DNAJC3: variants seen among roughly 807,000 people sequenced by gnomAD.
DNAJC3 encodes dnaJ homolog subfamily C member 3.
A neutral mutation model predicts 68.6 loss-of-function variants in DNAJC3; 38 were observed. That is an observed-to-expected ratio of 0.55 (90% confidence interval 0.43 to 0.73). The LOEUF is 0.73. Among genes scored for constraint, DNAJC3 ranks in the 30% least tolerant of loss-of-function variants. DNAJC3 has a pLI of 0.00. For synonymous variants in DNAJC3, 203 were observed against 204.0 expected, an observed-to-expected ratio of 1.00 and a Z score of 0.04; for missense variants, 526 against 591.9, an observed-to-expected ratio of 0.89 and a Z score of 1.16.
chr13:95,717,402 T>C (rs1482554397), intron 2 of DNAJC3, among the ~76,000 whole-genome samples: 3 of 152,198 alleles, frequency 2.0e-5, no homozygotes, highest in African/African-American at 4.8e-5. Flanking sequence ...CAAAAAGTGC[T>C]CTAGCAACTT....
intron 9 of DNAJC3, among the ~76,000 whole-genome samples, chr13:95,772,037 C>T (rs993202318): frequency 1.3e-5 from 2 of 152,178 alleles, no homozygotes; most frequent in Admixed American, 6.5e-5. Context: ...AGAGACCCTG[C>T]GCACCATGTG....
At chr13:95,757,024 A>G (rs1882683040) in intron 4 of DNAJC3, among the ~76,000 whole-genome samples, 1 of 152,144 alleles carries the variant, frequency 6.6e-6, no homozygotes, top group Non-Finnish European at 1.5e-5. Flanking sequence ...ATGCTATATA[A>G]ATTATGTCTT....
At chr13:95,762,887 C>T (rs977356708) in intron 7 of DNAJC3, among the ~76,000 whole-genome samples, 4 of 151,926 alleles carry the variant, frequency 2.6e-5, no homozygotes, top group African/African-American at 7.3e-5. Context: ...TCTGTTCCTG[C>T]GTTAGTTTGC....
At chr13:95,697,589 A>G (rs753374332) in intron 1 of DNAJC3, among the ~76,000 whole-genome samples, 3 of 151,770 alleles carry the variant, frequency 2.0e-5, no homozygotes, top group Non-Finnish European at 4.4e-5. Context: ...TTCCTGTTTT[A>G]TTTCCTCAAA....
At chr13:95,735,731 A>C (rs1379790982) in intron 4 of DNAJC3, among the ~76,000 whole-genome samples, 1 of 151,694 alleles carries the variant, frequency 6.6e-6, no homozygotes, top group African/African-American at 2.4e-5. Context: ...GCCCTTTGTC[A>C]GATGAGTAGG....
chr13:95,763,710 G>A lies in DNAJC3; in HGVS notation c.916G>A (p.Val306Ile), dbSNP rs768801358. The change falls in exon 8 of 12, where the codon GTT becomes ATT. Residue 306 changes from valine to isoleucine, a missense_variant. Physicochemically the swap from Val to Ile is conservative, Grantham distance 29. Coordinates refer to ENST00000602402, the MANE Select transcript of DNAJC3 (RefSeq NM_006260.5). Reference protein sequence around the residue: ...KTEPSIAEYTVRSKERICHCF... With the variant: ...KTEPSIAEYTIRSKERICHCF... ...AGAGCCAAGCATTGCTGAATATACAGTTCGTTCAAAGGAGAGGATTTGCCA... is the reference window on the plus strand; with the variant it reads ...AGAGCCAAGCATTGCTGAATATACAATTCGTTCAAAGGAGAGGATTTGCCA... The A allele has an allele frequency of 2.5e-6, 4 of 1,614,016 alleles. No homozygotes were observed. Among genetic ancestry groups the A allele is most frequent in the South Asian group, 1.1e-5 (1 of 91,064 alleles).
At chr13:95,772,104 T>C (rs1369137147) in intron 9 of DNAJC3, among the ~76,000 whole-genome samples, 2 of 152,168 alleles carry the variant, frequency 1.3e-5, no homozygotes, top group African/African-American at 4.8e-5. Flanking sequence ...CCATAGATAA[T>C]ACGCAAATGA....
rs554408195 is a variant in DNAJC3 at position 95,739,661 on chromosome 13, A to G, written c.393+14409A>G. On this transcript the variant is annotated intron_variant, in intron 4 of 11. Coordinates refer to ENST00000602402, the MANE Select transcript of DNAJC3 (RefSeq NM_006260.5). ...TTCTTGAGCCTTGGTTTTCAGCTCC[A>G]TCAGCTCCTTTAAGCACTTCTCTGT... is the stretch of plus-strand genomic sequence containing the variant. Among the ~76,000 whole-genome samples the G allele has an allele frequency of 3.6e-3, 542 of 152,270 alleles. 3 individuals are homozygous for G. The highest frequency in any genetic ancestry group is 0.012 in the African/African-American group (516 of 41,558).
rs61150940 is a variant in DNAJC3, at chr13:95,764,375, C to CTA, written c.1075+441_1075+442dup. On this transcript the variant is annotated intron_variant, in intron 9 of 11. Transcript: ENST00000602402. The stretch of plus-strand genomic sequence containing the variant: ...TCTCTCTCTCTCTCTCTCTCTCTCT[C>CTA]TATATATATATATATATATACTCGG... 2.1e-3 allele frequency among the ~76,000 whole-genome samples: 262 copies of CTA among 123,998 alleles called. 1 individual carries two copies. Among genetic ancestry groups the CTA allele is most frequent in the African/African-American group, 5.0e-3 (155 of 30,862 alleles). The allele number at this position is 123,998 out of a possible 152,430, so 81.3% of individuals were successfully genotyped here.
chr13:95,746,531 T>C (rs1467882441), intron 4 of DNAJC3, among the ~76,000 whole-genome samples: 1 of 152,234 alleles, frequency 6.6e-6, no homozygotes, highest in Non-Finnish European at 1.5e-5. Context: ...GGATGATTTC[T>C]GAGTCTAGTT....
chr13:95,701,254 T>C (rs1880580078), intron 1 of DNAJC3, among the ~76,000 whole-genome samples: 1 of 152,204 alleles, frequency 6.6e-6, no homozygotes, highest in South Asian at 2.1e-4. Context: ...GAGCCCACAA[T>C]ATGCTACTGC....
intron 1 of DNAJC3, among the ~76,000 whole-genome samples, chr13:95,683,342 A>G (rs902130648): frequency 6.6e-6 from 1 of 152,106 alleles, no homozygotes; most frequent in African/African-American, 2.4e-5. Context: ...TGTAATCCCC[A>G]GTGTTGGATC....
Position 95,733,589 on chromosome 13 carries a change from G to A in DNAJC3, c.393+8337G>A, listed in dbSNP as rs571597271. On this transcript the variant is annotated intron_variant, in intron 4 of 11. Transcript: ENST00000602402. ...TAATTTTTATGTTTTTAGTAGAAAC[G>A]GGGTTTTGCCATTTTGGCCAGGCTG... is the stretch of plus-strand genomic sequence containing the variant. 1.2e-4 allele frequency among the ~76,000 whole-genome samples: 19 copies of A among 152,040 alleles called. No homozygotes were observed. The East Asian group carries it at 3.3e-3, about 26-fold the overall frequency.
chr13:95,677,205 G>A lies in DNAJC3; in HGVS notation c.-51G>A. On this transcript the variant is annotated 5_prime_UTR_variant, in exon 1 of 12. The change creates a new upstream start codon in the 5' untranslated region. Coordinates refer to ENST00000602402, the MANE Select transcript of DNAJC3 (RefSeq NM_006260.5). Reference sequence around the variant, plus strand: ...GCAGCTGCTGCCGGAGCGCCGGCGCGTGCTGGTGGGCCACACACCTTTCCT... The same window carrying A: ...GCAGCTGCTGCCGGAGCGCCGGCGCATGCTGGTGGGCCACACACCTTTCCT... 1 of 1,551,916 alleles carries A rather than the reference G, an allele frequency of 6.4e-7. No homozygotes were observed. Among genetic ancestry groups the A allele is most frequent in the Non-Finnish European group, 8.7e-7 (1 of 1,145,276 alleles).
intron 2 of DNAJC3, among the ~76,000 whole-genome samples, chr13:95,714,412 TAAAA>T (rs58381820): frequency 2.2e-5 from 3 of 135,302 alleles, no homozygotes; most frequent in Admixed American, 7.4e-5. Context: ...CTTTTTTTCT[TAAAA>T]AAAAAAAAAA....
At chr13:95,787,184 A>T (rs1883626483) in intron 11 of DNAJC3, 29 bp downstream of exon 11, 1 of 1,597,232 alleles carries the variant, frequency 6.3e-7, no homozygotes, top group Middle Eastern at 1.7e-4. Flanking sequence ...CCTTTGACTC[A>T]TCCTAGAGGT....
In DNAJC3 at chr13:95,790,881, AAG is replaced by A. The variant is rs1272073730; in HGVS notation, c.1368_1369del (p.Lys457ValfsTer2). Reference sequence around the variant, plus strand: ...TTCTGATTTCTTTCTAGAAATGAGAAAGAAGTTTGACGACGGAGAAGATCCTT... The same window carrying A: ...TTCTGATTTCTTTCTAGAAATGAGAAAAGTTTGACGACGGAGAAGATCCTT... ...KEVLSDPEMR[K>X]KFDDGEDPLD... On this transcript the variant is annotated frameshift_variant, in exon 12 of 12. Transcript: ENST00000602402. LOFTEE classifies it high-confidence loss of function. 2 of 1,609,032 alleles carry A rather than the reference AAG, an allele frequency of 1.2e-6. No individual in the cohort carries two copies. The highest frequency in any genetic ancestry group is 1.7e-6 in the Non-Finnish European group (2 of 1,179,000).
intron 4 of DNAJC3, 72 bp from the exon 5 acceptor site, chr13:95,757,572 A>T: frequency 7.2e-7 from 1 of 1,385,966 alleles, no homozygotes. Flanking sequence ...GGAATGGTTT[A>T]CCCTTGTGTA....
Position 95,794,921 on chromosome 13 carries a change from A to G in DNAJC3, c.*3891A>G, listed in dbSNP as rs1157391475. On this transcript the variant is annotated 3_prime_UTR_variant, in exon 12 of 12. Transcript: ENST00000602402. ...GAAATGGGTCTCAGACATGTCTACA[A>G]ATATGGGTACTATTTTTATGCCCGT... is the stretch of plus-strand genomic sequence containing the variant. 1 of 152,264 alleles carries G rather than the reference A, an allele frequency of 6.6e-6. No individual in the cohort carries two copies. Among genetic ancestry groups the G allele is most frequent in the African/African-American group, 2.4e-5 (1 of 41,472 alleles). The allele number at this position is 152,264 out of a possible 1,614,324, so 9.4% of individuals were successfully genotyped here.
Sources: allele counts gnomAD v4.1 joint callset (sites outside exome capture counted in the v4.1 genomes callset), GRCh38; gene constraint gnomAD v4.1.1; transcripts MANE v1.5; gene names NCBI Gene and HGNC (gene_info 2026-07-23, HGNC 2026-07-21).